CASP6: variants seen among roughly 807,000 people sequenced by gnomAD.
CASP6 encodes caspase-6.
Under a neutral mutation model 31.8 loss-of-function variants are expected in CASP6, and 20 were observed. The observed-to-expected ratio is 0.63, with a 90% confidence interval of 0.44 to 0.91. CASP6 has a LOEUF of 0.91. Ranked by LOEUF, CASP6 falls within the 40% of genes least tolerant of loss-of-function variation. The pLI, the probability that CASP6 is intolerant of heterozygous loss-of-function variation, is 0.00. For missense variants in CASP6, 328 were observed against 361.1 expected, an observed-to-expected ratio of 0.91 and a Z score of 0.74; for synonymous variants, 130 against 127.8, an observed-to-expected ratio of 1.02 and a Z score of -0.12.
intron 1 of CASP6, among the ~76,000 whole-genome samples, chr4:109,701,027 C>G (rs572136157): frequency 5.3e-5 from 8 of 151,536 alleles, no homozygotes; most frequent in African/African-American, 1.9e-4. Context: ...GGCGTGGTCT[C>G]GGCTCACCAC....
chr4:109,668,366 G>A, the CASP6 span, among the ~76,000 whole-genome samples: 9 of 152,004 alleles, frequency 5.9e-5, no homozygotes, highest in African/African-American at 2.2e-4. Flanking sequence ...TTGGAGAATT[G>A]GCCTTTTATT....
At chr4:109,697,966 T>C (rs950723795) in intron 2 of CASP6, among the ~76,000 whole-genome samples, 198 bp from the exon 3 acceptor site, 2 of 152,172 alleles carry the variant, frequency 1.3e-5, no homozygotes, top group Non-Finnish European at 2.9e-5. Context: ...AGAGCAGCCA[T>C]GTGCCATCCT....
chr4:109,682,762 G>A, the CASP6 span: 2 of 1,585,864 alleles, frequency 1.3e-6, no homozygotes, highest in Non-Finnish European at 1.7e-6. Flanking sequence ...CATCACGGTT[G>A]AGTATATTTG....
chr4:109,698,408 C>T, intron 1 of CASP6, 66 bp from the exon 2 acceptor site: 2 of 1,376,834 alleles, frequency 1.5e-6, no homozygotes, highest in Non-Finnish European at 2.0e-6. Context: ...AGTAGGAACT[C>T]CCATCCCCCT....
chr4:109,684,351 C>CG, downstream of CASP6: 1 of 1,026,554 alleles, frequency 9.7e-7, no homozygotes, highest in South Asian at 1.7e-5. Flanking sequence ...CGTGAGCCAC[C>CG]GCGCCCGGCA....
the CASP6 span, among the ~76,000 whole-genome samples, chr4:109,669,411 G>A: frequency 6.6e-6 from 1 of 151,770 alleles, no homozygotes; most frequent in African/African-American, 2.4e-5. Context: ...CTATAGCTAA[G>A]GGTTCCCCCC....
In CASP6 at chr4:109,690,960, A is replaced by G. The variant is rs1436494693; in HGVS notation, c.533T>C (p.Val178Ala). The G allele has an allele frequency of 2.5e-6, 4 of 1,613,900 alleles. No homozygotes were observed. The highest frequency in any genetic ancestry group is 1.7e-6 in the Non-Finnish European group (2 of 1,179,900). The stretch of plus-strand genomic sequence containing the variant: ...GTCCAACTTCTCTGTCTGATTATCT[A>G]CTACATCCAAAGGAATGACTGGCAC... ...HDVPVIPLDV[V>A]DNQTEKLDTN... Residue 178 changes from valine to alanine, a missense_variant, in exon 6 of 7, where the codon GTA (valine) becomes GCA (alanine). Val to Ala is a moderately conservative substitution (Grantham distance 64, BLOSUM62 0). Coordinates refer to ENST00000265164, the MANE Select transcript of CASP6 (RefSeq NM_001226.4).
At chr4:109,687,730 T>C (rs1469923872), downstream of CASP6, 4 of 623,862 alleles carry the variant, frequency 6.4e-6, no homozygotes, top group Non-Finnish European at 1.1e-5. Context: ...TTGTTTGAAG[T>C]TCTCAACTGA....
the CASP6 span, among the ~76,000 whole-genome samples, chr4:109,671,181 TTA>T: frequency 1.3e-5 from 2 of 152,228 alleles, no homozygotes; most frequent in Admixed American, 6.5e-5. Flanking sequence ...TGGAGTTTTT[TTA>T]TGTCAGACAG....
downstream of CASP6, chr4:109,685,363 C>A (rs1729816206): frequency 6.1e-6 from 8 of 1,319,946 alleles, no homozygotes; most frequent in Non-Finnish European, 8.8e-6. Flanking sequence ...GAAGACCTTG[C>A]TAAGGTATAC....
chr4:109,672,788 A>T, the CASP6 span, among the ~76,000 whole-genome samples: 1 of 152,204 alleles, frequency 6.6e-6, no homozygotes, highest in Non-Finnish European at 1.5e-5. Context: ...TATCTGGTAC[A>T]GTTTGAACAC....
chr4:109,668,794 C>A, the CASP6 span, among the ~76,000 whole-genome samples: 2 of 151,714 alleles, frequency 1.3e-5, no homozygotes, highest in Non-Finnish European at 2.9e-5. Context: ...CCTTTTCCAG[C>A]ATATTATTTA....
downstream of CASP6, among the ~76,000 whole-genome samples, chr4:109,686,669 T>C (rs1436157816): frequency 6.6e-6 from 1 of 152,032 alleles, no homozygotes; most frequent in African/African-American, 2.4e-5. Context: ...AGTCCAGAAA[T>C]TGGAGACCAG....
chr4:109,684,215 A>G (rs1439601143), downstream of CASP6, among the ~76,000 whole-genome samples: 1 of 151,810 alleles, frequency 6.6e-6, no homozygotes, highest in African/African-American at 2.4e-5. Context: ...GGCGCCTGCC[A>G]CCATGCCCGG....
At chr4:109,664,450 T>G in the CASP6 span, 1 of 682,358 alleles carries the variant, frequency 1.5e-6, no homozygotes, top group Non-Finnish European at 2.5e-6. Context: ...AGATGAATTC[T>G]CACTTGCTCT....
chr4:109,693,811 T>C (rs903262327), intron 5 of CASP6, among the ~76,000 whole-genome samples: 3 of 151,362 alleles, frequency 2.0e-5, no homozygotes, highest in Admixed American at 2.0e-4. Context: ...TGCTCTCGGC[T>C]AACTACAGCC....
Position 109,697,738 on chromosome 4 carries a change from T to C in CASP6, c.114A>G (p.Lys38=), listed in dbSNP as rs1730291413. Residue 38 remains lysine (K), a synonymous_variant, in exon 3 of 7, where the codon AAA becomes AAG. Transcript: ENST00000265164. The part of the protein sequence containing the change: ...REMFDPAEKY[K]MDHRRRGIAL... ...CAATTCCTCTCCTCCTGTGGTCCAT[T>C]TTGTACTTTTCTGCCGGATCAAACA... 1 of 1,613,830 alleles carries C rather than the reference T, an allele frequency of 6.2e-7. No individual in the cohort carries two copies.
At chr4:109,680,583 T>C in the CASP6 span, among the ~76,000 whole-genome samples, 1 of 151,282 alleles carries the variant, frequency 6.6e-6, no homozygotes, top group Non-Finnish European at 1.5e-5. Context: ...ACAAAAGGAC[T>C]CTGACTCTTC....
At chr4:109,671,751 G>A in the CASP6 span, among the ~76,000 whole-genome samples, 8 of 152,090 alleles carry the variant, frequency 5.3e-5, no homozygotes, top group African/African-American at 1.9e-4. Flanking sequence ...TCAAACTGTG[G>A]TTGTTGTTGT....
Sources: gnomAD v4.1 joint callset for allele counts (sites outside exome capture counted in the v4.1 genomes callset) on GRCh38, gnomAD v4.1.1 for gene constraint, MANE v1.5 for transcripts, NCBI Gene and HGNC (gene_info 2026-07-23, HGNC 2026-07-21) for gene names.